The following ANTXRL variants were observed in gnomAD, a reference collection of about 807,000 sequenced individuals.
The protein encoded by ANTXRL is anthrax toxin receptor-like.
Under a neutral mutation model 75.4 loss-of-function variants are expected in ANTXRL, and 63 were observed. That is an observed-to-expected ratio of 0.84 (90% CI 0.68 to 1.03). The LOEUF is 1.03. Among genes scored for constraint, ANTXRL ranks in the 50% least tolerant of loss-of-function variants. ANTXRL has a pLI of 0.00. For missense variants in ANTXRL, 797 were observed against 789.4 expected, an observed-to-expected ratio of 1.01 and a Z score of -0.12; for synonymous variants, 335 against 291.3, an observed-to-expected ratio of 1.15 and a Z score of -1.53.
intron 16 of ANTXRL, among the ~76,000 whole-genome samples, chr10:46,323,836 C>T (rs74129861): frequency 0.031 from 4,658 of 152,072 alleles, 216 homozygotes; most frequent in African/African-American, 0.11. Context: ...ACTGTCTTTC[C>T]GAGGTAAAGA....
At chr10:46,311,288 G>A (rs1459158509) in intron 14 of ANTXRL, among the ~76,000 whole-genome samples, 2 of 152,096 alleles carry the variant, frequency 1.3e-5, no homozygotes, top group African/African-American at 4.8e-5. Flanking sequence ...TTCAACAAGG[G>A]CAGCCACGGG....
At chr10:46,309,509 T>C (rs1351046410) in intron 13 of ANTXRL, among the ~76,000 whole-genome samples, 1 of 152,176 alleles carries the variant, frequency 6.6e-6, no homozygotes, top group Non-Finnish European at 1.5e-5. Flanking sequence ...AAACCAGGGC[T>C]GCCTCAACAA....
chr10:46,291,765 C>T (rs1443795324), intron 1 of ANTXRL, among the ~76,000 whole-genome samples: 3 of 152,298 alleles, frequency 2.0e-5, no homozygotes, highest in Non-Finnish European at 4.4e-5. Context: ...CCACTCTACA[C>T]AGTGCCCCAC....
At chr10:46,327,663 T>A (rs1839290647) in intron 16 of ANTXRL, among the ~76,000 whole-genome samples, 1 of 152,114 alleles carries the variant, frequency 6.6e-6, no homozygotes, top group Non-Finnish European at 1.5e-5. Flanking sequence ...TTGAGGCATT[T>A]GTCACTCACA....
chr10:46,313,161 G>T lies in ANTXRL; in HGVS notation c.1330-75G>T. 3.1e-6 allele frequency: 4 copies of T among 1,287,930 alleles called. No homozygotes were observed. The South Asian group carries it at 3.8e-5, about 12-fold the overall frequency. 79.8% of individuals were successfully genotyped at this position (1,287,930 alleles called of 1,614,324 possible). ...TTTTCCTGGGCACAGAGCTGTGGGG[G>T]GCTGGGGAGTCCTGATGCCTTCTGG... On this transcript the variant is annotated intron_variant, in intron 15 of 16. Transcript: ENST00000620264.
rs190363383 is a variant in ANTXRL, at chr10:46,326,877, T to G, written c.1411-2722T>G. On this transcript the variant is annotated intron_variant, in intron 16 of 16. Coordinates refer to ENST00000620264, the MANE Select transcript of ANTXRL (RefSeq NM_001278688.3). ...AAGCCCATAGACTCTCTGGTCGCTC[T>G]TGCTCTGGGTACGGCCTTGAGCTTT... Among the ~76,000 whole-genome samples, 67 of 152,212 alleles carry G rather than the reference T, an allele frequency of 4.4e-4. 1 individual carries two copies. Among genetic ancestry groups the G allele is most frequent in the African/African-American group, 1.6e-3 (66 of 41,520 alleles).
intron 1 of ANTXRL, among the ~76,000 whole-genome samples, chr10:46,289,123 T>G (rs782214335): frequency 6.6e-6 from 1 of 152,134 alleles, no homozygotes; most frequent in Non-Finnish European, 1.5e-5. Context: ...ATCTACTGCC[T>G]GCAGGCAGGC....
In ANTXRL at chr10:46,306,844, C is replaced by G; in HGVS notation, c.937C>G (p.Pro313Ala). The change falls in exon 11 of 17, where the codon CCT (proline) becomes GCT (alanine). Residue 313 changes from proline (P) to alanine (A), a missense_variant. Coordinates refer to ENST00000620264, the MANE Select transcript of ANTXRL (RefSeq NM_001278688.3). ...TATCGACAATAATTCCATGAATTGC[C>G]CTGGGCCAAAACTAGAAAAACCTGG... ...TSIDNNSMNC[P>A]GPKLEKPGEE... 6.5e-7 allele frequency: 1 copy of G among 1,530,292 alleles called. No individual in the cohort carries two copies. Among genetic ancestry groups the G allele is most frequent in the Non-Finnish European group, 8.7e-7 (1 of 1,144,574 alleles). 94.8% of individuals were successfully genotyped at this position (1,530,292 alleles called of 1,614,324 possible).
At chr10:46,307,975 C>T (rs1254135158) in intron 12 of ANTXRL, among the ~76,000 whole-genome samples, 11 of 152,152 alleles carry the variant, frequency 7.2e-5, no homozygotes, top group African/African-American at 2.4e-5. Flanking sequence ...CTCAGGCACT[C>T]GGACCCGAGC....
At chr10:46,291,077 G>T (rs1836962071) in intron 1 of ANTXRL, among the ~76,000 whole-genome samples, 1 of 152,066 alleles carries the variant, frequency 6.6e-6, no homozygotes, top group African/African-American at 2.4e-5. Flanking sequence ...TTACATTTAG[G>T]TCTTTGACCC....
At chr10:46,312,060 G>A (rs575858903) in intron 15 of ANTXRL, among the ~76,000 whole-genome samples, 2 of 145,306 alleles carry the variant, frequency 1.4e-5, no homozygotes, top group Non-Finnish European at 3.1e-5. Context: ...AGTCACAAAA[G>A]GTCATGCAGA....
intron 16 of ANTXRL, among the ~76,000 whole-genome samples, chr10:46,321,821 G>A (rs1269539720): frequency 2.6e-5 from 4 of 152,114 alleles, no homozygotes; most frequent in African/African-American, 9.7e-5. Flanking sequence ...ATGTTTTCCA[G>A]TAGGAGCGTA....
chr10:46,316,437 G>C (rs111681050), intron 16 of ANTXRL, among the ~76,000 whole-genome samples: 3 of 152,116 alleles, frequency 2.0e-5, no homozygotes, highest in African/African-American at 7.2e-5. Flanking sequence ...GGAAGCAATA[G>C]GACCAGCATC....
chr10:46,328,798 G>C (rs1472231200), intron 16 of ANTXRL, among the ~76,000 whole-genome samples: 1 of 152,056 alleles, frequency 6.6e-6, no homozygotes, highest in Non-Finnish European at 1.5e-5. Context: ...TCTGTGTTTG[G>C]TATTGCTGGG....
chr10:46,307,485 G>C lies in ANTXRL; in HGVS notation c.1044+5G>C. The C allele has an allele frequency of 6.5e-7, 1 of 1,535,382 alleles. No individual in the cohort carries two copies. The highest frequency in any genetic ancestry group is 8.7e-7 in the Non-Finnish European group (1 of 1,145,994). ...AGCATCACCAGCACCACATGTGTGA[G>C]TACCAGCATGGGGCTGCAAACATGT... On this transcript the variant is annotated splice_donor_5th_base_variant and intron_variant, in intron 12 of 16. Coordinates refer to ENST00000620264, the MANE Select transcript of ANTXRL (RefSeq NM_001278688.3).
At position 46,303,810 on chromosome 10, in the gene ANTXRL, G is replaced by A. The variant is rs143287340; in HGVS notation, c.895+990G>A. ...ACACTGTGCCCTGGGTGCTGGGGGT[G>A]GGGTGTGCTCTTCCCCACTGAGGGC... On this transcript the variant is annotated intron_variant, in intron 10 of 16. Coordinates refer to ENST00000620264, the MANE Select transcript of ANTXRL (RefSeq NM_001278688.3). 2.9e-4 allele frequency among the ~76,000 whole-genome samples: 44 copies of A among 152,220 alleles called. 1 individual carries two copies. In the East Asian group the frequency reaches 7.7e-3, roughly 27 times the overall value.
rs1839317464 is a variant in ANTXRL at position 46,328,148 on chromosome 10, C to T, written c.1411-1451C>T. On this transcript the variant is annotated intron_variant, in intron 16 of 16. Transcript: ENST00000620264. ...GACTGGAAATACCAAGCAGGGTGGT[C>T]ACTTTAGCTGGGAGCAAGGATAAGG... 2.0e-5 allele frequency among the ~76,000 whole-genome samples: 3 copies of T among 152,138 alleles called. No individual in the cohort carries two copies. The South Asian group carries it at 6.2e-4, about 32-fold the overall frequency.
chr10:46,324,490 T>C (rs1210591990), intron 16 of ANTXRL, among the ~76,000 whole-genome samples: 1 of 152,142 alleles, frequency 6.6e-6, no homozygotes, highest in Non-Finnish European at 1.5e-5. Flanking sequence ...CCATTTGGCT[T>C]TTTAACTGGT....
At chr10:46,304,908 C>A (rs1554961481) in intron 10 of ANTXRL, among the ~76,000 whole-genome samples, 1 of 152,158 alleles carries the variant, frequency 6.6e-6, no homozygotes. Context: ...GGCTTCCCAC[C>A]CTGGAGCTTA....
Sources: allele counts gnomAD v4.1 joint callset (sites outside exome capture counted in the v4.1 genomes callset), GRCh38; gene constraint gnomAD v4.1.1; transcripts MANE v1.5; gene names NCBI Gene and HGNC (gene_info 2026-07-23, HGNC 2026-07-21).